The following DMBT1 variants were observed in gnomAD, a reference collection of about 807,000 sequenced individuals.
DMBT1 encodes scavenger receptor cysteine-rich domain-containing protein DMBT1.
A neutral mutation model predicts 252.9 loss-of-function variants in DMBT1; 198 were observed. The observed-to-expected ratio is 0.78, with a 90% CI of 0.70 to 0.88. The LOEUF is 0.88. Among genes scored for constraint, DMBT1 ranks in the 40% least tolerant of loss-of-function variants. The probability of loss-of-function intolerance (pLI) is 0.00; values close to 1 mark genes in which losing one functional copy is unlikely to be tolerated. For synonymous variants in DMBT1, 990 were observed against 942.7 expected, an observed-to-expected ratio of 1.05 and a Z score of -0.92; for missense variants, 2,432 against 2,404.7, an observed-to-expected ratio of 1.01 and a Z score of -0.24.
chr10:122,618,508 T>C (rs1471087286), intron 41 of DMBT1, among the ~76,000 whole-genome samples, 168 bp downstream of exon 41: 1 of 152,252 alleles, frequency 6.6e-6, no homozygotes, highest in Non-Finnish European at 1.5e-5. Flanking sequence ...CTACAGTACC[T>C]GGTGCAGCTG....
chr10:122,593,060 G>C lies in DMBT1; in HGVS notation c.2500+465G>C, dbSNP rs1287706487. ...GGAAATAGAGGCTCAAGGGTTAGGGGTGCAAATGGGTGTCTGGTTCTATCA... is the reference window on the plus strand; with the variant it reads ...GGAAATAGAGGCTCAAGGGTTAGGGCTGCAAATGGGTGTCTGGTTCTATCA... On this transcript the variant is annotated intron_variant, in intron 20 of 55. Coordinates refer to ENST00000338354, the MANE Select transcript of DMBT1 (RefSeq NM_001377530.1). 4.0e-5 allele frequency among the ~76,000 whole-genome samples: 6 copies of C among 148,854 alleles called. 1 individual carries two copies. The highest frequency in any genetic ancestry group is 6.0e-5 in the Non-Finnish European group (4 of 66,754).
At position 122,592,490 on chromosome 10, in the gene DMBT1, G is replaced by C. The variant is rs776667535; in HGVS notation, c.2395G>C (p.Asp799His). ...GGGCTCAGGACCCATTGTTCTGGAT[G>C]ATGTGCGCTGCTCAGGACACGAGTC... ...GQGSGPIVLD[D>H]VRCSGHESYL... Residue 799 changes from aspartate (D) to histidine (H), a missense_variant, in exon 20 of 56, where the codon GAT becomes CAT. Physicochemically the swap from Asp to His is moderately conservative, Grantham distance 81 (BLOSUM62 -1). Around this residue, in one of 3 missense-constraint regions of DMBT1, gnomAD observed 1,264 missense variants for 1,082.2 expected, o/e 1.17. Coordinates refer to ENST00000338354, the MANE Select transcript of DMBT1 (RefSeq NM_001377530.1). 3.1e-6 allele frequency: 5 copies of C among 1,588,090 alleles called. 1 individual carries two copies. The highest frequency in any genetic ancestry group is 4.3e-6 in the Non-Finnish European group (5 of 1,165,562).
chr10:122,586,525 G>T (rs1005747784), intron 16 of DMBT1, 142 bp downstream of exon 16: 4 of 1,349,602 alleles, frequency 3.0e-6, no homozygotes, highest in Non-Finnish European at 3.0e-6. Flanking sequence ...CTAGGAAACC[G>T]CATGAGTCTT....
Position 122,635,932 on chromosome 10 carries a change from AC to A in DMBT1, c.6549-54del. 2.5e-6 allele frequency: 4 copies of A among 1,582,328 alleles called. No individual in the cohort carries two copies. In the South Asian group the frequency reaches 4.4e-5, roughly 18 times the overall value. On this transcript the variant is annotated intron_variant, in intron 52 of 55. Coordinates refer to ENST00000338354, the MANE Select transcript of DMBT1 (RefSeq NM_001377530.1). Reference sequence around the variant, plus strand: ...AGGTGTGACCCCACCCTGAGATCTGACCCCCTGCGTCAAATTCTGGGAGGAA... The same window carrying A: ...AGGTGTGACCCCACCCTGAGATCTGACCCCTGCGTCAAATTCTGGGAGGAA...
At chr10:122,641,636 G>A (rs1026131985) in intron 55 of DMBT1, among the ~76,000 whole-genome samples, 6 of 152,164 alleles carry the variant, frequency 3.9e-5, no homozygotes, top group African/African-American at 1.2e-4. Flanking sequence ...TAGTCATAAG[G>A]TGACTTTTGA....
chr10:122,578,658 G>GT (rs1306840469), intron 8 of DMBT1, 60 bp from the exon 9 acceptor site: 17 of 1,477,128 alleles, frequency 1.2e-5, no homozygotes, highest in Middle Eastern at 1.7e-4. Context: ...AGAACCGCTT[G>GT]TTTTTTACCT....
rs113389923 is a variant in DMBT1 at position 122,599,958 on chromosome 10, T to A, written c.3281-106T>A. ...ATGCCCCTCCCTGTGTGATAGGAAC[T>A]AGGATGGACTGAGTGTCAGACTCGC... is the stretch of plus-strand genomic sequence containing the variant. On this transcript the variant is annotated intron_variant, in intron 26 of 55. Coordinates refer to ENST00000338354, the MANE Select transcript of DMBT1 (RefSeq NM_001377530.1). 4.7e-5 allele frequency: 69 copies of A among 1,474,450 alleles called. 5 individuals carry two copies. Among genetic ancestry groups the A allele is most frequent in the African/African-American group, 4.5e-4 (32 of 71,096 alleles). The allele number at this position is 1,474,450 out of a possible 1,614,324, so 91.3% of individuals were successfully genotyped here.
chr10:122,620,344 C>T (rs1434549343), intron 43 of DMBT1, 53 bp downstream of exon 43: 26 of 1,586,278 alleles, frequency 1.6e-5, no homozygotes, highest in African/African-American at 6.8e-5. Flanking sequence ...TCTGGACAAA[C>T]GTTTCTTTTG....
Position 122,589,135 on chromosome 10 carries a change from C to G in DMBT1, c.1975C>G (p.Gln659Glu), listed in dbSNP as rs2097823593. 1.9e-6 allele frequency: 3 copies of G among 1,588,354 alleles called. 1 individual carries two copies. The change falls in exon 17 of 56, where the codon CAG (glutamine) becomes GAG (glutamate). Residue 659 changes from glutamine (Q) to glutamate (E), a missense_variant. Transcript: ENST00000338354. The part of the protein sequence containing the change: ...TSAPGNARFG[Q>E]GSGPIVLDDV... Reference sequence around the variant, plus strand: ...AGCCCCAGGAAATGCCCGGTTTGGTCAGGGCTCAGGACCCATTGTCCTGGA... The same window carrying G: ...AGCCCCAGGAAATGCCCGGTTTGGTGAGGGCTCAGGACCCATTGTCCTGGA...
At position 122,586,218 on chromosome 10, in the gene DMBT1, G is replaced by A. The variant is rs767250184; in HGVS notation, c.1618G>A (p.Ala540Thr). Reference protein sequence around the residue: ...VVCRQLGCGWAMLAPGNARFG... With the variant: ...VVCRQLGCGWTMLAPGNARFG... ...CTGCAGGCAGCTGGGCTGTGGCTGG[G>A]CCATGTTGGCCCCAGGAAATGCCCG... The change falls in exon 16 of 56, where the codon GCC (alanine) becomes ACC (threonine). Residue 540 changes from alanine to threonine, a missense_variant. Around this residue, in one of 3 missense-constraint regions of DMBT1, gnomAD observed 1,264 missense variants for 1,082.2 expected, o/e 1.17. Coordinates refer to ENST00000338354, the MANE Select transcript of DMBT1 (RefSeq NM_001377530.1). 6.3e-7 allele frequency: 1 copy of A among 1,589,034 alleles called. No individual in the cohort carries two copies. The highest frequency in any genetic ancestry group is 8.6e-7 in the Non-Finnish European group (1 of 1,166,022).
intron 17 of DMBT1, among the ~76,000 whole-genome samples, chr10:122,590,401 T>A (rs1302522005): frequency 6.7e-6 from 1 of 148,674 alleles, no homozygotes; most frequent in Non-Finnish European, 1.5e-5. Flanking sequence ...CTAAGACGTG[T>A]AAGGGAGAGG....
In DMBT1 at chr10:122,577,847, C is replaced by G; in HGVS notation, c.637+7C>G. The G allele has an allele frequency of 6.2e-7, 1 of 1,613,524 alleles. No individual in the cohort carries two copies. Among genetic ancestry groups the G allele is most frequent in the South Asian group, 1.1e-5 (1 of 90,972 alleles). Reference sequence around the variant, plus strand: ...CAGTCAACACTCAGGCCAGGTGAGTCCCCAGAATCCTTCCTCGGGATACCC... The same window carrying G: ...CAGTCAACACTCAGGCCAGGTGAGTGCCCAGAATCCTTCCTCGGGATACCC... On this transcript the variant is annotated splice_region_variant and intron_variant, in intron 8 of 55. Transcript: ENST00000338354.
intron 53 of DMBT1, 144 bp downstream of exon 53, chr10:122,636,343 G>A (rs765581459): frequency 1.3e-6 from 1 of 764,060 alleles, no homozygotes; most frequent in Non-Finnish European, 2.1e-6. Context: ...AAGGGACCAG[G>A]AGCAGTGGGA....
chr10:122,636,246 A>G, intron 53 of DMBT1, 47 bp downstream of exon 53: 27 of 1,513,622 alleles, frequency 1.8e-5, no homozygotes, highest in Non-Finnish European at 2.5e-5. Context: ...GGACATCCTG[A>G]GAGCATCTGT....
intron 2 of DMBT1, among the ~76,000 whole-genome samples, chr10:122,569,875 G>A (rs747922688): frequency 2.3e-4 from 35 of 152,196 alleles, no homozygotes; most frequent in Non-Finnish European, 4.0e-4. Context: ...ATTGGATCTT[G>A]TGACTAGGAT....
At chr10:122,620,907 T>C in intron 43 of DMBT1, 150 bp from the exon 44 acceptor site, 2 of 1,456,488 alleles carry the variant, frequency 1.4e-6, no homozygotes, top group Admixed American at 2.1e-5. Context: ...TCCACTATCA[T>C]GAAGCTGAAC....
chr10:122,628,780 T>C (rs2098136691), intron 46 of DMBT1, among the ~76,000 whole-genome samples: 1 of 152,176 alleles, frequency 6.6e-6, no homozygotes, highest in East Asian at 1.9e-4. Flanking sequence ...TAGGCAAATC[T>C]ATAGAGACAG....
intron 10 of DMBT1, 121 bp downstream of exon 10, chr10:122,580,022 G>C (rs2097754051): frequency 6.6e-7 from 1 of 1,525,956 alleles, no homozygotes; most frequent in Admixed American, 2.1e-5. Context: ...CTGAAGACTT[G>C]TCAGCTCTCT....
intron 16 of DMBT1, among the ~76,000 whole-genome samples, chr10:122,587,117 A>T (rs1052744799): frequency 6.7e-6 from 1 of 148,332 alleles, no homozygotes. Flanking sequence ...TGAGTCTTAG[A>T]TGGGACAAAC....
Sources: gnomAD v4.1 joint callset for allele counts (sites outside exome capture counted in the v4.1 genomes callset) on GRCh38, gnomAD v4.1.1 for gene constraint, gnomAD v4.1.1 regional missense constraint, MANE v1.5 for transcripts, NCBI Gene and HGNC (gene_info 2026-07-23, HGNC 2026-07-21) for gene names.